Variants in CLIP1 observed in about 807,000 individuals in gnomAD.
CLIP1 encodes the protein CAP-Gly domain-containing linker protein 1.
A neutral mutation model predicts 161.6 loss-of-function variants in CLIP1; 66 were observed. The ratio of observed to expected loss-of-function variants is 0.41; its 90% CI spans 0.33 to 0.50. The LOEUF is 0.50. Ranked by LOEUF, CLIP1 falls within the 20% of genes least tolerant of loss-of-function variation. The probability of loss-of-function intolerance (pLI) is 0.27; values close to 1 mark genes in which losing one functional copy is unlikely to be tolerated. For missense variants in CLIP1, 1,376 were observed against 1,702.0 expected (o/e 0.81, Z 3.37); for synonymous variants, 598 against 626.2 (o/e 0.96, Z 0.67).
intron 3 of CLIP1, among the ~76,000 whole-genome samples, chr12:122,366,457 G>A (rs1209121398): frequency 6.6e-6 from 1 of 152,158 alleles, no homozygotes; most frequent in East Asian, 1.9e-4. Flanking sequence ...TACAGCCTGG[G>A]CAATAGAACA....
intron 21 of CLIP1, among the ~76,000 whole-genome samples, chr12:122,288,059 G>A (rs1006529199): frequency 4.0e-5 from 6 of 151,266 alleles, no homozygotes; most frequent in Non-Finnish European, 8.8e-5. Context: ...TTGAGACGGA[G>A]TCTCTCACTG....
intron 20 of CLIP1, among the ~76,000 whole-genome samples, chr12:122,300,813 T>C (rs150149066): frequency 2.1e-3 from 318 of 152,316 alleles, no homozygotes; most frequent in African/African-American, 7.0e-3. Context: ...TTTTTTCTAC[T>C]TTTTTTCCTT....
At chr12:122,417,040 G>A (rs1490576354) in intron 1 of CLIP1, among the ~76,000 whole-genome samples, 1 of 152,138 alleles carries the variant, frequency 6.6e-6, no homozygotes, top group Non-Finnish European at 1.5e-5. Context: ...GCTCATGCCT[G>A]TAATCCCAGC....
chr12:122,331,325 A>AT (rs1423428681), intron 15 of CLIP1, among the ~76,000 whole-genome samples: 2 of 147,878 alleles, frequency 1.4e-5, no homozygotes, highest in Non-Finnish European at 3.0e-5. Flanking sequence ...GGCCTTATTC[A>AT]TTTTTTTGAG....
intron 1 of CLIP1, among the ~76,000 whole-genome samples, chr12:122,394,069 C>T (rs1955791771): frequency 6.6e-6 from 1 of 152,112 alleles, no homozygotes; most frequent in South Asian, 2.1e-4. Context: ...CTGACACTGA[C>T]ATGCTTTATG....
chr12:122,278,335 C>G (rs1955515880), intron 23 of CLIP1, 132 bp from the exon 24 acceptor site: 3 of 803,960 alleles, frequency 3.7e-6, no homozygotes, highest in African/African-American at 3.4e-5. Context: ...AGATGCACCA[C>G]TTTCAGCACA....
chr12:122,420,691 T>G (rs1956908659), intron 1 of CLIP1, among the ~76,000 whole-genome samples: 1 of 152,126 alleles, frequency 6.6e-6, no homozygotes, highest in Non-Finnish European at 1.5e-5. Flanking sequence ...ATCCCAGCAC[T>G]TTGGGAGCCC....
At chr12:122,408,430 C>T (rs1438209151) in intron 1 of CLIP1, among the ~76,000 whole-genome samples, 1 of 151,892 alleles carries the variant, frequency 6.6e-6, no homozygotes, top group African/African-American at 2.4e-5. Context: ...CTCACTGCAA[C>T]CTCTACCTCC....
intron 19 of CLIP1, among the ~76,000 whole-genome samples, chr12:122,316,215 CTT>C (rs879515742): frequency 8.5e-5 from 12 of 141,876 alleles, no homozygotes; most frequent in African/African-American, 7.7e-5. Flanking sequence ...CGAGTCACTT[CTT>C]TTTTTTTTTT....
intron 1 of CLIP1, among the ~76,000 whole-genome samples, chr12:122,389,556 C>A (rs967025782): frequency 6.6e-6 from 1 of 151,770 alleles, no homozygotes; most frequent in African/African-American, 2.4e-5. Flanking sequence ...GTTAGGTGTT[C>A]GAGACCAACC....
chr12:122,303,630 T>C (rs950619143), intron 20 of CLIP1, among the ~76,000 whole-genome samples: 3 of 152,148 alleles, frequency 2.0e-5, no homozygotes, highest in Non-Finnish European at 4.4e-5. Flanking sequence ...GGTAATCTCA[T>C]TCCCACAGGA....
At chr12:122,365,060 G>T (rs1301250553) in intron 3 of CLIP1, among the ~76,000 whole-genome samples, 1 of 151,890 alleles carries the variant, frequency 6.6e-6, no homozygotes, top group African/African-American at 2.4e-5. Flanking sequence ...ACAGTAAGGG[G>T]AACATCACAC....
rs570052362 is a variant in CLIP1, at chr12:122,328,884, A to G, written c.2868-458T>C. ...GCGTGAGCCACCATGCCTGGGCACA[A>G]GAAATTTTAAAATGCTTTGCCTAAA... is the stretch of plus-strand genomic sequence containing the variant. On this transcript the variant is annotated intron_variant, in intron 15 of 25. Transcript: ENST00000620786. Among the ~76,000 whole-genome samples, 4 of 152,326 alleles carry G rather than the reference A, an allele frequency of 2.6e-5. No homozygotes were observed. In the South Asian group the frequency reaches 8.3e-4, roughly 32 times the overall value.
chr12:122,286,275 T>A (rs891667573), intron 21 of CLIP1, among the ~76,000 whole-genome samples: 1 of 151,560 alleles, frequency 6.6e-6, no homozygotes, highest in African/African-American at 2.4e-5. Context: ...TCCCAACACT[T>A]TGGGAGGCTG....
At chr12:122,286,477 C>T (rs909357413) in intron 21 of CLIP1, among the ~76,000 whole-genome samples, 2 of 133,708 alleles carry the variant, frequency 1.5e-5, no homozygotes, top group Admixed American at 8.4e-5. Context: ...GCCAAGATCG[C>T]GCCACTGCAC....
chr12:122,326,817 C>G (rs192089449), intron 17 of CLIP1, among the ~76,000 whole-genome samples: 8 of 151,876 alleles, frequency 5.3e-5, no homozygotes. Flanking sequence ...GACAAAAGAT[C>G]TGGGAATTGT....
At chr12:122,385,229 C>T (rs1045399628) in intron 1 of CLIP1, among the ~76,000 whole-genome samples, 2 of 152,004 alleles carry the variant, frequency 1.3e-5, no homozygotes, top group African/African-American at 2.4e-5. Flanking sequence ...CCGCACACGG[C>T]CGATGGTAAT....
At chr12:122,412,400 A>C (rs1956574041) in intron 1 of CLIP1, among the ~76,000 whole-genome samples, 1 of 150,768 alleles carries the variant, frequency 6.6e-6, no homozygotes, top group South Asian at 2.1e-4. Context: ...CACCCCTGTA[A>C]TCCCAGCACT....
At chr12:122,346,029 A>T (rs1309776361) in intron 10 of CLIP1, among the ~76,000 whole-genome samples, 1 of 151,148 alleles carries the variant, frequency 6.6e-6, no homozygotes, top group Admixed American at 6.6e-5. Flanking sequence ...CAGGTGATCC[A>T]CCCACCTCAG....
Sources: gnomAD v4.1 joint callset for allele counts (sites outside exome capture counted in the v4.1 genomes callset) on GRCh38, gnomAD v4.1.1 for gene constraint, MANE v1.5 for transcripts, NCBI Gene and HGNC (gene_info 2026-07-23, HGNC 2026-07-21) for gene names.